MON2: variants seen among roughly 807,000 people sequenced by gnomAD.
MON2 encodes MON2 regulator of endosome-to-Golgi trafficking, also known as protein MON2 homolog.
MON2 carries 84 observed loss-of-function variants against 208.6 expected under a neutral mutation model. The ratio of observed to expected loss-of-function variants is 0.40; its 90% confidence interval spans 0.34 to 0.48. MON2 has a LOEUF of 0.48. MON2 is among the 20% of genes least tolerant of loss of function. The pLI is 0.59. For synonymous variants in MON2, 660 were observed against 694.0 expected, an observed-to-expected ratio of 0.95 and a Z score of 0.77; for missense variants, 1,611 against 2,015.4, an observed-to-expected ratio of 0.80 and a Z score of 3.84.
intron 29 of MON2, among the ~76,000 whole-genome samples, chr12:62,568,113 T>A (rs7954448): frequency 0.016 from 2,386 of 152,196 alleles, 71 homozygotes; most frequent in African/African-American, 0.056. Flanking sequence ...GAGATGACAC[T>A]TGAAAAAGTT....
intron 1 of MON2, among the ~76,000 whole-genome samples, chr12:62,479,316 G>A (rs1257796213): frequency 1.3e-5 from 2 of 151,870 alleles, no homozygotes; most frequent in South Asian, 2.1e-4. Context: ...TGCACATAAC[G>A]TGTGCATATC....
chr12:62,508,192 A>T, intron 7 of MON2, 94 bp from the exon 8 acceptor site: 1 of 855,716 alleles, frequency 1.2e-6, no homozygotes, highest in Non-Finnish European at 1.8e-6. Flanking sequence ...ACTGGTTATT[A>T]AGAAGTTTTG....
In MON2 at chr12:62,585,341, T is replaced by G; in HGVS notation, c.4747T>G (p.Phe1583Val). Residue 1583 changes from phenylalanine (F) to valine (V), a missense_variant, in exon 33 of 35, where the codon TTT becomes GTT. Physicochemically the swap from Phe to Val is conservative, Grantham distance 50 (BLOSUM62 -1). Coordinates refer to ENST00000393630, the MANE Select transcript of MON2 (RefSeq NM_015026.3). ...RLREEFSKMC[F>V]ETLLQFSFSN... ...GAGAGAGGAATTTTCTAAAATGTGT[T>G]TTGAAACATTACTCCAGTTTTCCTT... The G allele has an allele frequency of 1.2e-6, 2 of 1,613,830 alleles. No homozygotes were observed. Among genetic ancestry groups the G allele is most frequent in the Non-Finnish European group, 1.7e-6 (2 of 1,179,878 alleles).
intron 1 of MON2, among the ~76,000 whole-genome samples, chr12:62,474,124 T>C (rs1056849497): frequency 1.3e-5 from 2 of 151,466 alleles, no homozygotes; most frequent in Non-Finnish European, 3.0e-5. Context: ...CTTTTCTTTT[T>C]TTTTTTTTTC....
chr12:62,499,116 G>T, intron 5 of MON2, 68 bp downstream of exon 5: 1 of 1,544,990 alleles, frequency 6.5e-7, no homozygotes, highest in Non-Finnish European at 8.8e-7. Flanking sequence ...TTAACTTTCG[G>T]CCTTTGCTCA....
intron 24 of MON2, 33 bp from the exon 25 acceptor site, chr12:62,555,960 AT>A (rs2073952842): frequency 4.8e-6 from 7 of 1,462,900 alleles, no homozygotes; most frequent in Non-Finnish European, 6.6e-6. Context: ...TATATTATCA[AT>A]GCATTTTAAA....
chr12:62,556,286 G>A (rs2073962779), intron 25 of MON2, 94 bp downstream of exon 25: 1 of 1,170,054 alleles, frequency 8.5e-7, no homozygotes, highest in Non-Finnish European at 1.2e-6. Flanking sequence ...TCTTAACTTA[G>A]TCTTTATGTG....
chr12:62,594,365 A>G lies in MON2; in HGVS notation c.*1616A>G, dbSNP rs1337255943. On this transcript the variant is annotated 3_prime_UTR_variant, in exon 35 of 35. Transcript: ENST00000393630. The stretch of plus-strand genomic sequence containing the variant: ...AATGTAGTAAGGTCTTTGAGGGGAT[A>G]TTTTTTATTTACATGAATTACTGAA... The G allele has an allele frequency of 1.3e-5, 2 of 152,156 alleles. No individual in the cohort carries two copies. The highest frequency in any genetic ancestry group is 6.5e-5 in the Admixed American group (1 of 15,278). 9.4% of individuals were successfully genotyped at this position (152,156 alleles called of 1,614,324 possible).
At chr12:62,545,122 A>G in intron 21 of MON2, 114 bp downstream of exon 21, 2 of 605,754 alleles carry the variant, frequency 3.3e-6, no homozygotes, top group East Asian at 6.2e-5. Flanking sequence ...TTTTAACTTA[A>G]TATTCTATTT....
At chr12:62,557,953 TATATATATA>T (rs1408502925) in intron 25 of MON2, among the ~76,000 whole-genome samples, 11 of 28,366 alleles carry the variant, frequency 3.9e-4, no homozygotes, top group African/African-American at 1.9e-3. Flanking sequence ...TATATATATA[TATATATATA>T]TTTTTTTTTT....
chr12:62,519,916 T>C (rs1374921650), intron 8 of MON2, among the ~76,000 whole-genome samples: 1 of 152,236 alleles, frequency 6.6e-6, no homozygotes, highest in Non-Finnish European at 1.5e-5. Flanking sequence ...CCTGGATTCA[T>C]GCCATTCTCC....
chr12:62,560,573 T>C lies in MON2; in HGVS notation c.3492T>C (p.Ala1164=), dbSNP rs1027119107. The part of the protein sequence containing the change: ...ALSKNNEVSL[A]ALKSFQEILQ... ...GCAAAAACAATGAAGTATCTCTGGC[T>C]GCTCTGAAAAGCTTCCAGGAAATTT... Residue 1164 remains alanine, a synonymous_variant, in exon 26 of 35, where the codon GCT becomes GCC. Coordinates refer to ENST00000393630, the MANE Select transcript of MON2 (RefSeq NM_015026.3). The C allele has an allele frequency of 3.7e-6, 6 of 1,614,032 alleles. No homozygotes were observed. The highest frequency in any genetic ancestry group is 1.6e-4 in the Middle Eastern group (1 of 6,084).
At chr12:62,550,744 A>G (rs1386041175) in intron 23 of MON2, among the ~76,000 whole-genome samples, 1 of 152,088 alleles carries the variant, frequency 6.6e-6, no homozygotes, top group African/African-American at 2.4e-5. Flanking sequence ...TTTCTTCTGC[A>G]GCTTCCTCAC....
At chr12:62,563,244 G>A (rs1036066154) in intron 26 of MON2, among the ~76,000 whole-genome samples, 8 of 152,098 alleles carry the variant, frequency 5.3e-5, no homozygotes, top group African/African-American at 1.9e-4. Flanking sequence ...AAAATAATAA[G>A]TCTACAACTT....
rs534545469 is a variant in MON2, at chr12:62,534,218, C to T, written c.1634-627C>T. Reference sequence around the variant, plus strand: ...CCAGTCTGAGTAACATAACAAGACCCTGTCTCTTAAAAAAAAAAATGGCTG... The same window carrying T: ...CCAGTCTGAGTAACATAACAAGACCTTGTCTCTTAAAAAAAAAAATGGCTG... On this transcript the variant is annotated intron_variant, in intron 12 of 34. Coordinates refer to ENST00000393630, the MANE Select transcript of MON2 (RefSeq NM_015026.3). 1.1e-4 allele frequency among the ~76,000 whole-genome samples: 15 copies of T among 135,880 alleles called. No individual in the cohort carries two copies. The East Asian group carries it at 3.2e-3, about 29-fold the overall frequency. 89.1% of individuals were successfully genotyped at this position (135,880 alleles called of 152,430 possible). A position where few individuals can be genotyped will look rare whatever the true frequency, so the allele number is the denominator to read the frequency against.
intron 8 of MON2, among the ~76,000 whole-genome samples, chr12:62,509,447 TAGA>T (rs1416055683): frequency 6.6e-6 from 1 of 152,140 alleles, no homozygotes; most frequent in Non-Finnish European, 1.5e-5. Context: ...ATAATAATAG[TAGA>T]AGACTTCAAT....
chr12:62,500,068 A>C (rs1460978778), intron 5 of MON2, among the ~76,000 whole-genome samples: 1 of 152,180 alleles, frequency 6.6e-6, no homozygotes, highest in African/African-American at 2.4e-5. Flanking sequence ...AACACAGGGC[A>C]ATTTCCCAGT....
At chr12:62,534,246 C>T (rs987314996) in intron 12 of MON2, among the ~76,000 whole-genome samples, 1 of 149,892 alleles carries the variant, frequency 6.7e-6, no homozygotes, top group Non-Finnish European at 1.5e-5. Flanking sequence ...AATGGCTGGG[C>T]GTGGTGGCTC....
Position 62,467,161 on chromosome 12 carries a change from A to G in MON2, c.-47A>G. ...GTGGCCCTAAGGAGCTGACCGTGCC[A>G]GAGCTTGTTTGTACCTCTCGGAAAT... On this transcript the variant is annotated 5_prime_UTR_variant, in exon 1 of 35. Coordinates refer to ENST00000393630, the MANE Select transcript of MON2 (RefSeq NM_015026.3). 3 of 1,541,368 alleles carry G rather than the reference A, an allele frequency of 1.9e-6. No homozygotes were observed. In the South Asian group the frequency reaches 3.4e-5, roughly 17 times the overall value.
Sources: gnomAD v4.1 joint callset for allele counts (sites outside exome capture counted in the v4.1 genomes callset) on GRCh38, gnomAD v4.1.1 for gene constraint, MANE v1.5 for transcripts, NCBI Gene and HGNC (gene_info 2026-07-23, HGNC 2026-07-21) for gene names.